Variants in BPIFB2 observed in about 807,000 individuals in gnomAD.
The protein encoded by BPIFB2 is BPI fold-containing family B member 2.
BPIFB2 carries 39 observed loss-of-function variants against 50.1 expected under a neutral mutation model. That is an observed-to-expected ratio of 0.78 (90% CI 0.60 to 1.02). The LOEUF is 1.02. Ranked by LOEUF, BPIFB2 falls within the 50% of genes least tolerant of loss-of-function variation. The pLI is 0.00. For synonymous variants in BPIFB2, 280 were observed against 256.3 expected (o/e 1.09, Z -0.88); for missense variants, 574 against 585.8 (o/e 0.98, Z 0.21).
At chr20:33,008,093 G>T (rs1990233738) in intron 1 of BPIFB2, among the ~76,000 whole-genome samples, 1 of 152,166 alleles carries the variant, frequency 6.6e-6, no homozygotes, top group African/African-American at 2.4e-5. Context: ...GCCACCCTGG[G>T]TCCTCCCCTG....
In BPIFB2 at chr20:33,014,701, C is replaced by T. The variant is rs116247552; in HGVS notation, c.456-735C>T. 5.3e-3 allele frequency among the ~76,000 whole-genome samples: 804 copies of T among 152,312 alleles called. 7 individuals are homozygous for T. Among genetic ancestry groups the T allele is most frequent in the African/African-American group, 0.018 (747 of 41,554 alleles). ...ATCTTGGAGGCTTAGAAGAATGCAA[C>T]GTATGCATCAAGACTGAGCTTTCTC... On this transcript the variant is annotated intron_variant, in intron 5 of 15. Transcript: ENST00000170150.
chr20:33,019,040 T>C (rs1032161961), intron 9 of BPIFB2, 22 bp from the exon 10 acceptor site: 3 of 1,614,160 alleles, frequency 1.9e-6, no homozygotes, highest in Non-Finnish European at 2.5e-6. Context: ...AAACCTGTTG[T>C]GGCCTGGGGT....
intron 5 of BPIFB2, among the ~76,000 whole-genome samples, chr20:33,014,854 G>A (rs1600512713): frequency 6.6e-6 from 1 of 152,232 alleles, no homozygotes. Context: ...GGAAATGGAA[G>A]CCCAGAGGCT....
intron 13 of BPIFB2, 114 bp from the exon 14 acceptor site, chr20:33,021,167 G>C: frequency 1.7e-6 from 2 of 1,171,564 alleles, no homozygotes; most frequent in Non-Finnish European, 2.5e-6. Context: ...CTCAGCCTCT[G>C]CCATCCATCT....
chr20:33,020,259 G>A (rs933843492), intron 11 of BPIFB2, 69 bp from the exon 12 acceptor site: 7 of 1,469,826 alleles, frequency 4.8e-6, no homozygotes, highest in Middle Eastern at 3.5e-4. Context: ...GGGATGGGTG[G>A]GAGGCTGGGT....
At position 33,009,199 on chromosome 20, in the gene BPIFB2, T is replaced by C. The variant is rs1600509843; in HGVS notation, c.109+516T>C. On this transcript the variant is annotated intron_variant, in intron 2 of 15. Transcript: ENST00000170150. This position sits in a 1 kb window ranked among gnomAD's most constrained non-coding sequence, Gnocchi z 4.2. Reference sequence around the variant, plus strand: ...ATGCAAGGAGTGTTCTAAAGTTATATCCCTTCTGAGCTCAGCGTGAGAGAA... The same window carrying C: ...ATGCAAGGAGTGTTCTAAAGTTATACCCCTTCTGAGCTCAGCGTGAGAGAA... 6.6e-6 allele frequency among the ~76,000 whole-genome samples: 1 copy of C among 152,112 alleles called. No individual in the cohort carries two copies. The highest frequency in any genetic ancestry group is 1.5e-5 in the Non-Finnish European group (1 of 68,014).
At position 33,021,662 on chromosome 20, in the gene BPIFB2, C is replaced by T. The variant is rs536719368; in HGVS notation, c.1259-61C>T. On this transcript the variant is annotated intron_variant, in intron 14 of 15. Transcript: ENST00000170150. ...TGCGAGGACTCAGTGCTGTGATGCACATGAGGGCTTCAGCACAGGCTGGCT... is the reference window on the plus strand; with the variant it reads ...TGCGAGGACTCAGTGCTGTGATGCATATGAGGGCTTCAGCACAGGCTGGCT... 1.3e-5 allele frequency: 20 copies of T among 1,518,036 alleles called. No individual in the cohort carries two copies. The Admixed American group carries it at 3.3e-4, about 25-fold the overall frequency. The allele number at this position is 1,518,036 out of a possible 1,614,324, so 94.0% of individuals were successfully genotyped here.
chr20:33,021,059 C>A (rs1978647229), intron 13 of BPIFB2, among the ~76,000 whole-genome samples: 1 of 152,210 alleles, frequency 6.6e-6, no homozygotes, highest in South Asian at 2.1e-4. Flanking sequence ...GTGAGCACTG[C>A]TGCTGGGTGT....
Position 33,010,889 on chromosome 20 carries a change from T to C in BPIFB2, c.110-135T>C, listed in dbSNP as rs927603462. ...CATGGGGAGTCAGCTGCCCTCCCCATATGCTTGGAGTAAGCCTACCCCTTC... is the reference window on the plus strand; with the variant it reads ...CATGGGGAGTCAGCTGCCCTCCCCACATGCTTGGAGTAAGCCTACCCCTTC... On this transcript the variant is annotated intron_variant, in intron 2 of 15. Coordinates refer to ENST00000170150, the MANE Select transcript of BPIFB2 (RefSeq NM_025227.3). 17 of 710,652 alleles carry C rather than the reference T, an allele frequency of 2.4e-5. No individual in the cohort carries two copies. In the African/African-American group the frequency reaches 2.7e-4, roughly 11 times the overall value. The allele number at this position is 710,652 out of a possible 1,614,324, so 44.0% of individuals were successfully genotyped here. A position where few individuals can be genotyped will look rare whatever the true frequency, so the allele number is the denominator to read the frequency against.
At chr20:33,021,918 C>T (rs1022084225) in intron 15 of BPIFB2, 119 bp downstream of exon 15, 2 of 1,003,972 alleles carry the variant, frequency 2.0e-6, no homozygotes, top group African/African-American at 3.2e-5. Context: ...GAATCCTTAA[C>T]TGCAATGAAA....
In BPIFB2 at chr20:33,018,731, C is replaced by A. The variant is rs1251497187; in HGVS notation, c.764C>A (p.Ala255Asp). The A allele has an allele frequency of 6.2e-7, 1 of 1,614,108 alleles. No homozygotes were observed. Among genetic ancestry groups the A allele is most frequent in the East Asian group, 2.2e-5 (1 of 44,896 alleles). Residue 255 changes from alanine (A) to aspartate (D), a missense_variant, in exon 9 of 16, where the codon GCC becomes GAC. By Grantham distance (126) the Ala-to-Asp change is moderately radical. Coordinates refer to ENST00000170150, the MANE Select transcript of BPIFB2 (RefSeq NM_025227.3). ...PRHVGTEGSMATVGLSQQLFD... is the reference protein window; with the variant it reads ...PRHVGTEGSMDTVGLSQQLFD... ...CATGTGGGTACCGAGGGCTCCATGG[C>A]CACCGTGGGCCTCTCCCAGCAGCTG...
Position 33,008,556 on chromosome 20 carries a change from G to T in BPIFB2, c.-19G>T. 6.4e-7 allele frequency: 1 copy of T among 1,562,650 alleles called. No individual in the cohort carries two copies. The highest frequency in any genetic ancestry group is 2.4e-5 in the East Asian group (1 of 42,324). ...TCTACCCCAGCCCACAGATCCTGTG[G>T]GCAGCGGCCAGGGCAGCCATGGCTT... On this transcript the variant is annotated 5_prime_UTR_variant, in exon 2 of 16. Transcript: ENST00000170150.
chr20:33,011,011 C>T lies in BPIFB2; in HGVS notation c.110-13C>T. 5 of 1,612,620 alleles carry T rather than the reference C, an allele frequency of 3.1e-6. No individual in the cohort carries two copies. The highest frequency in any genetic ancestry group is 1.3e-5 in the African/African-American group (1 of 74,976). On this transcript the variant is annotated splice_polypyrimidine_tract_variant and intron_variant, in intron 2 of 15. Transcript: ENST00000170150. ...CGAGGGCACCCTGACCTCACTCTAC[C>T]CTGGCCCCACAGTGTCTGAAATTGG...
Position 33,011,097 on chromosome 20 carries a change from A to G in BPIFB2, c.183A>G (p.Gly61=), listed in dbSNP as rs1300866987. 6.2e-7 allele frequency: 1 copy of G among 1,613,796 alleles called. No homozygotes were observed. The highest frequency in any genetic ancestry group is 1.1e-5 in the South Asian group (1 of 91,036). ...VTVPHFLDWS[G]EALQPTRIRI... ...TCCCTCATTTCCTGGACTGGAGTGG[A>G]GAGGCGCTTCAGCCCACCAGGTGAG... The change falls in exon 3 of 16, where the codon GGA becomes GGG. Residue 61 remains glycine, a synonymous_variant. Coordinates refer to ENST00000170150, the MANE Select transcript of BPIFB2 (RefSeq NM_025227.3).
In BPIFB2 at chr20:33,023,590, C is replaced by T. The variant is rs554418215; in HGVS notation, c.*207C>T. The T allele has an allele frequency of 1.6e-6, 1 of 638,826 alleles. No individual in the cohort carries two copies. The highest frequency in any genetic ancestry group is 2.8e-6 in the Non-Finnish European group (1 of 357,410). 39.6% of individuals were successfully genotyped at this position (638,826 alleles called of 1,614,324 possible). A position where few individuals can be genotyped will look rare whatever the true frequency, so the allele number is the denominator to read the frequency against. On this transcript the variant is annotated 3_prime_UTR_variant, in exon 16 of 16. Transcript: ENST00000170150. Reference sequence around the variant, plus strand: ...TCCCTTCCTCCTCCTCTTCTCCTCCCTCTTCCCTCATCTCCCCCCTCCTTC... The same window carrying T: ...TCCCTTCCTCCTCCTCTTCTCCTCCTTCTTCCCTCATCTCCCCCCTCCTTC...
intron 14 of BPIFB2, 140 bp from the exon 15 acceptor site, chr20:33,021,583 C>A: frequency 2.1e-6 from 2 of 942,712 alleles, no homozygotes; most frequent in Non-Finnish European, 3.2e-6. Flanking sequence ...TGAGCCCCAG[C>A]TTCCCCTTCT....
rs369655260 is a variant in BPIFB2 at position 33,012,929 on chromosome 20, G to C, written c.308+22G>C. ...TTCGGTGAGCGGATCTCCTTGTTAG[G>C]GGGTGAGAAGGGTTTTGGGGATGCT... On this transcript the variant is annotated intron_variant, in intron 4 of 15. Coordinates refer to ENST00000170150, the MANE Select transcript of BPIFB2 (RefSeq NM_025227.3). The C allele has an allele frequency of 2.6e-5, 41 of 1,580,150 alleles. No homozygotes were observed. In the South Asian group the frequency reaches 3.8e-4, roughly 15 times the overall value.
Position 33,015,512 on chromosome 20 carries a change from A to G in BPIFB2, c.516+16A>G. On this transcript the variant is annotated intron_variant, in intron 6 of 15. Coordinates refer to ENST00000170150, the MANE Select transcript of BPIFB2 (RefSeq NM_025227.3). ...GAGTAACAAGGTAAAGGGCTTGCAG[A>G]TTTCTCAGAAAGGAGGGCATGGCTT... 1 of 1,599,040 alleles carries G rather than the reference A, an allele frequency of 6.3e-7. No homozygotes were observed. The highest frequency in any genetic ancestry group is 1.1e-5 in the South Asian group (1 of 90,326).
At chr20:33,012,165 T>C (rs1337173373) in intron 3 of BPIFB2, among the ~76,000 whole-genome samples, 1 of 152,126 alleles carries the variant, frequency 6.6e-6, no homozygotes, top group African/African-American at 2.4e-5. Context: ...TGGACATAAA[T>C]ACCCAGCGAC....
Sources: allele counts gnomAD v4.1 joint callset (sites outside exome capture counted in the v4.1 genomes callset), GRCh38; gene constraint gnomAD v4.1.1; non-coding constraint Gnocchi (gnomAD v3.1); transcripts MANE v1.5; gene names NCBI Gene and HGNC (gene_info 2026-07-23, HGNC 2026-07-21).